The following MYH13 variants were observed in gnomAD, a reference collection of about 807,000 sequenced individuals.
The protein encoded by MYH13 is myosin-13.
A neutral mutation model predicts 232.1 loss-of-function variants in MYH13; 177 were observed. The ratio of observed to expected loss-of-function variants is 0.76; its 90% CI spans 0.67 to 0.86. MYH13 has a LOEUF of 0.86. MYH13 is among the 40% of genes least tolerant of loss of function. The probability of loss-of-function intolerance (pLI) is 0.00; values close to 1 mark genes in which losing one functional copy is unlikely to be tolerated. For synonymous variants in MYH13, 884 were observed against 923.5 expected, an observed-to-expected ratio of 0.96 and a Z score of 0.78; for missense variants, 2,246 against 2,405.9, an observed-to-expected ratio of 0.93 and a Z score of 1.39.
intron 22 of MYH13, among the ~76,000 whole-genome samples, chr17:10,326,554 T>A (rs545649638): frequency 2.1e-4 from 32 of 151,922 alleles, no homozygotes; most frequent in African/African-American, 7.5e-4. Context: ...CACTGCAACC[T>A]CCACCTCCTG....
intron 35 of MYH13, among the ~76,000 whole-genome samples, chr17:10,307,763 A>T (rs907455643): frequency 4.6e-5 from 7 of 152,206 alleles, no homozygotes; most frequent in South Asian, 2.1e-4. Context: ...TTAAAGAACA[A>T]TTTATATTAC....
chr17:10,354,820 T>C, intron 10 of MYH13, 37 bp from the exon 11 acceptor site: 1 of 1,585,444 alleles, frequency 6.3e-7, no homozygotes, highest in East Asian at 2.3e-5. Context: ...GGCTTATGCA[T>C]AACTTACTCT....
At chr17:10,331,995 G>T in intron 20 of MYH13, 104 bp downstream of exon 20, 1 of 1,450,750 alleles carries the variant, frequency 6.9e-7, no homozygotes, top group Non-Finnish European at 9.4e-7. Context: ...GGGCAAGGAC[G>T]GTCAGGTGGA....
In MYH13 at chr17:10,362,440, C is replaced by T. The variant is rs2071801706; in HGVS notation, c.268G>A (p.Asp90Asn). Residue 90 changes from aspartate (D) to asparagine (N), a missense_variant, in exon 4 of 41, where the codon GAC (aspartate) becomes AAC (asparagine). Asp to Asn is a conservative substitution (Grantham distance 23). Coordinates refer to ENST00000252172, the MANE Select transcript of MYH13 (RefSeq NM_003802.3). ...MNPPKFDKIE[D>N]MAMMTHLHEP... The stretch of plus-strand genomic sequence containing the variant: ...TGCAGGTGAGTCATCATGGCCATGT[C>T]CTCGATCTTGTCAAATTTGGGAGGG... 6.2e-7 allele frequency: 1 copy of T among 1,614,024 alleles called. No individual in the cohort carries two copies. Among genetic ancestry groups the T allele is most frequent in the Admixed American group, 1.7e-5 (1 of 59,998 alleles).
At chr17:10,301,135 C>A (rs941647977) in intron 40 of MYH13, among the ~76,000 whole-genome samples, 170 bp from the exon 41 acceptor site, 1 of 152,190 alleles carries the variant, frequency 6.6e-6, no homozygotes, top group African/African-American at 2.4e-5. Context: ...CTACTGGCGA[C>A]AGGACAAACG....
chr17:10,348,870 T>C (rs2071687934), intron 12 of MYH13, among the ~76,000 whole-genome samples: 1 of 152,136 alleles, frequency 6.6e-6, no homozygotes. Flanking sequence ...AAATTGTTAC[T>C]TTAAAATTCT....
chr17:10,358,048 C>T (rs753596013), intron 7 of MYH13, among the ~76,000 whole-genome samples: 12 of 151,970 alleles, frequency 7.9e-5, no homozygotes, highest in Non-Finnish European at 1.3e-4. Flanking sequence ...ATTGAAGTGA[C>T]TTCTGGTCAT....
At chr17:10,310,927 C>T (rs889344629) in intron 33 of MYH13, among the ~76,000 whole-genome samples, 176 bp downstream of exon 33, 4 of 152,142 alleles carry the variant, frequency 2.6e-5, no homozygotes, top group Admixed American at 6.5e-5. Context: ...TGCCAGAGAA[C>T]GCCTAGGAGA....
intron 18 of MYH13, among the ~76,000 whole-genome samples, chr17:10,339,259 A>T (rs748706007): frequency 3.3e-5 from 5 of 152,234 alleles, no homozygotes; most frequent in Non-Finnish European, 7.3e-5. Flanking sequence ...GTGACAAATG[A>T]CACTGAAAAA....
intron 2 of MYH13, among the ~76,000 whole-genome samples, chr17:10,365,028 A>T (rs568299589): frequency 6.6e-6 from 1 of 152,038 alleles, no homozygotes; most frequent in Admixed American, 6.5e-5. Context: ...GCCCACCACC[A>T]CACCCAGCTA....
intron 9 of MYH13, 42 bp downstream of exon 9, chr17:10,355,042 G>T (rs1210399823): frequency 1.2e-6 from 2 of 1,610,574 alleles, no homozygotes; most frequent in East Asian, 2.2e-5. Context: ...AGATGCTTTT[G>T]TGGCCAAAAC....
chr17:10,368,290 A>G (rs1288729871), intron 2 of MYH13, among the ~76,000 whole-genome samples: 1 of 152,224 alleles, frequency 6.6e-6, no homozygotes, highest in Non-Finnish European at 1.5e-5. Flanking sequence ...GATTTATAAC[A>G]AATGCTGTCA....
intron 7 of MYH13, among the ~76,000 whole-genome samples, chr17:10,358,625 G>A (rs557696068): frequency 2.0e-4 from 31 of 152,196 alleles, no homozygotes; most frequent in South Asian, 4.1e-4. Flanking sequence ...GCCAGGCATG[G>A]TGGTTCCTGT....
chr17:10,327,736 C>CA (rs893371190), intron 22 of MYH13, 130 bp downstream of exon 22: 2 of 1,162,064 alleles, frequency 1.7e-6, no homozygotes, highest in African/African-American at 3.1e-5. Context: ...GGTGGTGCTG[C>CA]AATACTCCAC....
chr17:10,350,721 A>T, intron 11 of MYH13, 27 bp from the exon 12 acceptor site: 1 of 1,613,402 alleles, frequency 6.2e-7, no homozygotes, highest in Non-Finnish European at 8.5e-7. Flanking sequence ...GACAACTGTC[A>T]TAGCAGGAAT....
rs544965072 is a variant in MYH13 at position 10,338,786 on chromosome 17, C to T, written c.2056+1364G>A. Reference sequence around the variant, plus strand: ...CACGATCTCGGCTCACTGCAAGCTCCGTCTCCCGGGTTCACGCCATTCTCC... The same window carrying T: ...CACGATCTCGGCTCACTGCAAGCTCTGTCTCCCGGGTTCACGCCATTCTCC... On this transcript the variant is annotated intron_variant, in intron 18 of 40. Coordinates refer to ENST00000252172, the MANE Select transcript of MYH13 (RefSeq NM_003802.3). Among the ~76,000 whole-genome samples the T allele has an allele frequency of 6.0e-5, 9 of 150,742 alleles. No individual in the cohort carries two copies. In the East Asian group the frequency reaches 1.2e-3, roughly 20 times the overall value.
In MYH13 at chr17:10,360,161, G is replaced by A. The variant is rs766342832; in HGVS notation, c.533C>T (p.Thr178Ile). The change falls in exon 6 of 41, where the codon ACC (threonine) becomes ATC (isoleucine). Residue 178 changes from threonine (T) to isoleucine (I), a missense_variant and splice_region_variant. Thr to Ile is a moderately conservative substitution (Grantham distance 89). Transcript: ENST00000252172. ...TDRDNQSILI[T>I]GESGAGKTVN... ...GATGGTACAAAGAGGTGTTACTCAC[G>A]TGATGAGGATAGACTGGTTGTCTCG... 2.4e-5 allele frequency: 39 copies of A among 1,614,052 alleles called. 1 individual carries two copies. The highest frequency in any genetic ancestry group is 1.9e-4 in the South Asian group (17 of 91,068).
chr17:10,322,992 T>C, intron 23 of MYH13, among the ~76,000 whole-genome samples: 1 of 152,182 alleles, frequency 6.6e-6, no homozygotes. Flanking sequence ...ATATTTGGTG[T>C]GCACACGCCA....
chr17:10,361,762 A>G (rs1455230696), intron 5 of MYH13, among the ~76,000 whole-genome samples: 2 of 152,222 alleles, frequency 1.3e-5, no homozygotes, highest in Non-Finnish European at 2.9e-5. Context: ...GAACGCAGGA[A>G]CACTGCTTTA....
Sources: allele counts gnomAD v4.1 joint callset (sites outside exome capture counted in the v4.1 genomes callset), GRCh38; gene constraint gnomAD v4.1.1; transcripts MANE v1.5; gene names NCBI Gene and HGNC (gene_info 2026-07-23, HGNC 2026-07-21).